TIAM1: variants seen among roughly 807,000 people sequenced by gnomAD.
The protein encoded by TIAM1 is rho guanine nucleotide exchange factor TIAM1.
Under a neutral mutation model 163.5 loss-of-function variants are expected in TIAM1, and 65 were observed. The observed-to-expected ratio is 0.40, with a 90% confidence interval of 0.33 to 0.49. The LOEUF is 0.49. Among genes scored for constraint, TIAM1 ranks in the 20% least tolerant of loss-of-function variants. The pLI is 0.77. For synonymous variants in TIAM1, 833 were observed against 810.1 expected, an observed-to-expected ratio of 1.03 and a Z score of -0.48; for missense variants, 1,789 against 2,044.7, an observed-to-expected ratio of 0.87 and a Z score of 2.41.
chr21:31,292,867 C>T (rs1345318941), intron 2 of TIAM1, among the ~76,000 whole-genome samples: 1 of 152,042 alleles, frequency 6.6e-6, no homozygotes, highest in East Asian at 1.9e-4. Context: ...CATGGTTTCA[C>T]CATGTTGGCC....
At chr21:31,475,136 C>T (rs918058976) in intron 1 of TIAM1, among the ~76,000 whole-genome samples, 12 of 151,596 alleles carry the variant, frequency 7.9e-5, no homozygotes, top group African/African-American at 2.7e-4. Flanking sequence ...ACTGCAGCAT[C>T]GACCTCCCCA....
intron 2 of TIAM1, among the ~76,000 whole-genome samples, chr21:31,398,842 T>A (rs1490999681): frequency 6.6e-6 from 1 of 152,204 alleles, no homozygotes; most frequent in Non-Finnish European, 1.5e-5. Context: ...AACGTCAGCA[T>A]CTCTTATCAC....
At chr21:31,136,743 T>A (rs2082636839) in intron 22 of TIAM1, among the ~76,000 whole-genome samples, 1 of 152,198 alleles carries the variant, frequency 6.6e-6, no homozygotes, top group South Asian at 2.1e-4. Flanking sequence ...AGAGACAGTT[T>A]CCCAAGGAGA....
In TIAM1 at chr21:31,395,725, T is replaced by C. The variant is rs1440344186; in HGVS notation, c.-368-56303A>G. On this transcript the variant is annotated intron_variant, in intron 2 of 28. Transcript: ENST00000286827. This position sits in a 1 kb window ranked among gnomAD's most constrained non-coding sequence, Gnocchi z 7.5. ...GGGGGCGCATGCGTTCCCCTGGCTG[T>C]CGCGTGAAAATTTTTGCTTTATAAA... Among the ~76,000 whole-genome samples, 1 of 152,142 alleles carries C rather than the reference T, an allele frequency of 6.6e-6. No homozygotes were observed. Among genetic ancestry groups the C allele is most frequent in the Non-Finnish European group, 1.5e-5 (1 of 68,028 alleles).
chr21:31,226,962 T>TG (rs1195697576), intron 6 of TIAM1, among the ~76,000 whole-genome samples: 4 of 148,426 alleles, frequency 2.7e-5, no homozygotes, highest in Non-Finnish European at 6.0e-5. Context: ...GTTTTTTTTT[T>TG]TTTTTTTTTT....
At chr21:31,441,053 A>G (rs2044401199) in intron 2 of TIAM1, among the ~76,000 whole-genome samples, 1 of 152,184 alleles carries the variant, frequency 6.6e-6, no homozygotes, top group African/African-American at 2.4e-5. Context: ...AGTCACAGCA[A>G]GATGATTATG....
chr21:31,262,953 T>A (rs1044094373), intron 4 of TIAM1, among the ~76,000 whole-genome samples: 10 of 67,346 alleles, frequency 1.5e-4, no homozygotes, highest in South Asian at 9.3e-4. Context: ...AGAAAAAAAT[T>A]TTTTTTTAAA....
At chr21:31,439,339 G>C (rs1199787122) in intron 2 of TIAM1, among the ~76,000 whole-genome samples, 1 of 152,192 alleles carries the variant, frequency 6.6e-6, no homozygotes, top group Non-Finnish European at 1.5e-5. Context: ...GCCCAGGCTG[G>C]AGTGCAGTGG....
chr21:31,337,114 AG>A (rs1217456180), intron 2 of TIAM1, among the ~76,000 whole-genome samples: 3 of 152,288 alleles, frequency 2.0e-5, no homozygotes, highest in African/African-American at 4.8e-5. Flanking sequence ...TGCTTTGAAT[AG>A]GTTACTTAGG....
At chr21:31,369,247 G>GAA (rs2076554258) in intron 2 of TIAM1, among the ~76,000 whole-genome samples, 1 of 133,030 alleles carries the variant, frequency 7.5e-6, no homozygotes, top group African/African-American at 2.9e-5. Flanking sequence ...AAGAAAGAAA[G>GAA]AAAGGGATGA....
chr21:31,334,505 C>T (rs2147075400), intron 2 of TIAM1, among the ~76,000 whole-genome samples: 1 of 152,178 alleles, frequency 6.6e-6, no homozygotes, highest in East Asian at 1.9e-4. Context: ...GTTTGATCAG[C>T]AAAAAAATCC....
intron 2 of TIAM1, among the ~76,000 whole-genome samples, chr21:31,325,299 A>C (rs1340534587): frequency 6.6e-6 from 1 of 151,924 alleles, no homozygotes; most frequent in Non-Finnish European, 1.5e-5. Context: ...AAAAAAAAAA[A>C]AATTAGTTTT....
rs555492082 is a variant in TIAM1 at position 31,430,233 on chromosome 21, T to C, written c.-369+33750A>G. Among the ~76,000 whole-genome samples, 571 of 125,752 alleles carry C rather than the reference T, an allele frequency of 4.5e-3. 9 individuals carry two copies. Among genetic ancestry groups the C allele is most frequent in the African/African-American group, 0.02 (535 of 27,146 alleles). 82.5% of individuals were successfully genotyped at this position (125,752 alleles called of 152,430 possible). ...AAGAAAAAAAAAAAAAAAATATATA[T>C]ATATATATATATATACACACACACA... On this transcript the variant is annotated intron_variant, in intron 2 of 28. Coordinates refer to the TIAM1 transcript ENST00000286827.
intron 19 of TIAM1, among the ~76,000 whole-genome samples, chr21:31,148,721 T>C (rs1000205205): frequency 2.6e-5 from 4 of 152,176 alleles, no homozygotes; most frequent in Non-Finnish European, 4.4e-5. Context: ...TAAAAATTGA[T>C]TCTCAGGGAA....
chr21:31,352,168 G>A (rs2076245537), intron 2 of TIAM1, among the ~76,000 whole-genome samples: 1 of 152,134 alleles, frequency 6.6e-6, no homozygotes, highest in South Asian at 2.1e-4. Context: ...TAGCCAAGAG[G>A]TGAAAACAAT....
Position 31,514,454 on chromosome 21 carries a change from G to C in TIAM1, c.-422+44473C>G, listed in dbSNP as rs1308372640. ...GAACTTTGGGAGGCCAAAATGGGCA[G>C]ATCACCTGGGGTCAGGAGTTTGAGA... On this transcript the variant is annotated intron_variant, in intron 1 of 28. Coordinates refer to the TIAM1 transcript ENST00000286827. 4.7e-5 allele frequency among the ~76,000 whole-genome samples: 7 copies of C among 150,178 alleles called. No homozygotes were observed. The Admixed American group carries it at 4.7e-4, about 10-fold the overall frequency.
At chr21:31,418,823 C>G (rs866377413) in intron 2 of TIAM1, among the ~76,000 whole-genome samples, 16 of 152,256 alleles carry the variant, frequency 1.1e-4, no homozygotes, top group South Asian at 2.1e-4. Context: ...CAGAGAGAGG[C>G]CTTTTGCTGC....
At chr21:31,483,180 T>C (rs2046170335) in intron 1 of TIAM1, among the ~76,000 whole-genome samples, 1 of 152,138 alleles carries the variant, frequency 6.6e-6, no homozygotes. Flanking sequence ...CAAACATAAG[T>C]AGGCCAAAAC....
intron 2 of TIAM1, among the ~76,000 whole-genome samples, chr21:31,445,195 T>G (rs188243004): frequency 1.3e-5 from 2 of 152,092 alleles, no homozygotes; most frequent in Non-Finnish European, 2.9e-5. Flanking sequence ...GATGAGTGAA[T>G]CTTGACTTTG....
Sources: allele counts gnomAD v4.1 joint callset (sites outside exome capture counted in the v4.1 genomes callset), GRCh38; gene constraint gnomAD v4.1.1; non-coding constraint Gnocchi (gnomAD v3.1); transcripts MANE v1.5; gene names NCBI Gene and HGNC (gene_info 2026-07-23, HGNC 2026-07-21).